Variants in NRXN3 observed in about 807,000 individuals in gnomAD.
NRXN3 encodes neurexin 3, also known as neurexin III.
In NRXN3, 32 loss-of-function variants were observed where a neutral mutation model predicts 137.6. The ratio of observed to expected loss-of-function variants is 0.23; its 90% CI spans 0.18 to 0.31. The LOEUF is 0.31. Among genes scored for constraint, NRXN3 ranks in the 10% least tolerant of loss-of-function variants. The pLI is 1.00. For missense variants in NRXN3, 1,574 were observed against 2,062.5 expected, an observed-to-expected ratio of 0.76 and a Z score of 4.59; for synonymous variants, 798 against 784.5, an observed-to-expected ratio of 1.02 and a Z score of -0.29.
At chr14:78,278,073 G>C (rs1396285241) in intron 2 of NRXN3, among the ~76,000 whole-genome samples, 1 of 152,198 alleles carries the variant, frequency 6.6e-6, no homozygotes, top group Non-Finnish European at 1.5e-5. Flanking sequence ...GTACTGGGGA[G>C]GCGGGGAATT....
At chr14:78,694,799 A>C (rs1271883229) in intron 6 of NRXN3, among the ~76,000 whole-genome samples, 4 of 151,842 alleles carry the variant, frequency 2.6e-5, no homozygotes, top group Non-Finnish European at 4.4e-5. Context: ...CATAAACCTG[A>C]CCAGTCCATG....
chr14:79,568,966 T>A (rs951334553), intron 16 of NRXN3, among the ~76,000 whole-genome samples: 1 of 152,152 alleles, frequency 6.6e-6, no homozygotes, highest in Non-Finnish European at 1.5e-5. Context: ...GAGCATTCCC[T>A]GAGACTATAA....
At chr14:79,152,557 G>A (rs992392028) in intron 15 of NRXN3, among the ~76,000 whole-genome samples, 2 of 151,974 alleles carry the variant, frequency 1.3e-5, no homozygotes, top group Non-Finnish European at 2.9e-5. Context: ...CCATGTGGCT[G>A]GGGAGGCCTC....
At chr14:79,772,762 C>A (rs549669522) in intron 19 of NRXN3, among the ~76,000 whole-genome samples, 17 of 152,018 alleles carry the variant, frequency 1.1e-4, no homozygotes, top group Non-Finnish European at 2.1e-4. Context: ...GCAACCAAAG[C>A]CAAAATTGAC....
chr14:79,580,897 GCCTAAT>G (rs2097709397), intron 16 of NRXN3, among the ~76,000 whole-genome samples: 1 of 152,084 alleles, frequency 6.6e-6, no homozygotes, highest in African/African-American at 2.4e-5. Flanking sequence ...AAAAATGTGG[GCCTAAT>G]CCTTTCCGAT....
At chr14:78,911,867 C>T (rs920710237) in intron 10 of NRXN3, among the ~76,000 whole-genome samples, 2 of 151,846 alleles carry the variant, frequency 1.3e-5, no homozygotes, top group African/African-American at 4.8e-5. Context: ...TAAGGAACCA[C>T]ACACAGTTCC....
At chr14:78,205,475 A>G (rs1393720443) in intron 1 of NRXN3, among the ~76,000 whole-genome samples, 1 of 152,244 alleles carries the variant, frequency 6.6e-6, no homozygotes, top group Non-Finnish European at 1.5e-5. Flanking sequence ...TAGAGTTTGC[A>G]TGAAAGAGCA....
At chr14:79,847,568 C>T (rs946335896) in intron 20 of NRXN3, among the ~76,000 whole-genome samples, 3 of 152,166 alleles carry the variant, frequency 2.0e-5, no homozygotes, top group Non-Finnish European at 4.4e-5. Context: ...CTCATGAAAT[C>T]ATGAGCATTA....
At chr14:78,352,727 A>T (rs184564694) in intron 4 of NRXN3, among the ~76,000 whole-genome samples, 279 of 152,322 alleles carry the variant, frequency 1.8e-3, no homozygotes, top group African/African-American at 6.3e-3. Flanking sequence ...TAAGGGGAAA[A>T]CATCTCAGTG....
intron 4 of NRXN3, among the ~76,000 whole-genome samples, chr14:78,358,986 A>AT (rs943901863): frequency 3.3e-5 from 5 of 152,208 alleles, no homozygotes; most frequent in African/African-American, 1.2e-4. Context: ...TGTATTTATT[A>AT]TAGGAAGAGA....
intron 15 of NRXN3, among the ~76,000 whole-genome samples, chr14:79,186,853 A>G (rs1343839335): frequency 6.6e-6 from 1 of 152,202 alleles, no homozygotes; most frequent in Non-Finnish European, 1.5e-5. Context: ...GGCCGTTAAC[A>G]AGAAGTTAAA....
At chr14:79,253,984 T>A (rs2076266004) in intron 15 of NRXN3, among the ~76,000 whole-genome samples, 1 of 152,234 alleles carries the variant, frequency 6.6e-6, no homozygotes, top group Non-Finnish European at 1.5e-5. Flanking sequence ...CTAGCTCTTA[T>A]TTGATCAGCA....
intron 4 of NRXN3, among the ~76,000 whole-genome samples, chr14:78,401,931 G>T (rs144261403): frequency 5.3e-5 from 8 of 152,208 alleles, no homozygotes; most frequent in Non-Finnish European, 1.0e-4. Flanking sequence ...GCCTGCATTC[G>T]ATTCCAGGTT....
intron 4 of NRXN3, among the ~76,000 whole-genome samples, chr14:78,456,842 TTTC>T (rs1484096107): frequency 3.0e-5 from 4 of 133,276 alleles, no homozygotes; most frequent in African/African-American, 1.0e-4. Flanking sequence ...TCTTTCTTTC[TTTC>T]TTTCTTTCTT....
chr14:78,770,460 C>A (rs2098723497), intron 8 of NRXN3, among the ~76,000 whole-genome samples: 1 of 152,092 alleles, frequency 6.6e-6, no homozygotes, highest in South Asian at 2.1e-4. Context: ...GGAAATATAT[C>A]TTGGAGCAAA....
chr14:78,462,245 T>G (rs1373510360), intron 4 of NRXN3, among the ~76,000 whole-genome samples: 1 of 152,174 alleles, frequency 6.6e-6, no homozygotes, highest in Non-Finnish European at 1.5e-5. Context: ...ATGGTCATGA[T>G]AATGTCAGTC....
intron 19 of NRXN3, among the ~76,000 whole-genome samples, chr14:79,793,691 T>C (rs7143833): frequency 0.1 from 15,489 of 152,258 alleles, 1,081 homozygotes; most frequent in African/African-American, 0.19. Context: ...ATTTCTTTTC[T>C]CTTTCTTCAA....
chr14:79,344,003 C>G (rs1371499770), intron 15 of NRXN3, among the ~76,000 whole-genome samples: 1 of 152,042 alleles, frequency 6.6e-6, no homozygotes, highest in East Asian at 1.9e-4. Flanking sequence ...ATCCCTGGAG[C>G]CAGGGCAGTT....
At chr14:79,698,762 CT>C (rs1681359233) in intron 19 of NRXN3, among the ~76,000 whole-genome samples, 1 of 152,008 alleles carries the variant, frequency 6.6e-6, no homozygotes, top group South Asian at 2.1e-4. Context: ...TTACTTACCC[CT>C]ATCCTAGTTA....
Sources: allele counts gnomAD v4.1 joint callset (sites outside exome capture counted in the v4.1 genomes callset), GRCh38; gene constraint gnomAD v4.1.1; transcripts MANE v1.5; gene names NCBI Gene and HGNC (gene_info 2026-07-23, HGNC 2026-07-21).